Variants in STXBP4 observed in about 807,000 individuals in gnomAD.
STXBP4 encodes the protein syntaxin-binding protein 4.
Under a neutral mutation model 76.1 loss-of-function variants are expected in STXBP4, and 55 were observed. The observed-to-expected ratio is 0.72, with a 90% CI of 0.58 to 0.91. The LOEUF (loss-of-function observed/expected upper bound fraction) is 0.91. STXBP4 is among the 40% of genes least tolerant of loss of function. The pLI is 0.00. For synonymous variants in STXBP4, 201 were observed against 220.2 expected (o/e 0.91, Z 0.77); for missense variants, 618 against 636.9 (o/e 0.97, Z 0.32).
intron 16 of STXBP4, among the ~76,000 whole-genome samples, chr17:55,088,545 T>C (rs1011043548): frequency 3.3e-5 from 5 of 152,010 alleles, no homozygotes; most frequent in Non-Finnish European, 7.4e-5. Flanking sequence ...TACAGGTGCC[T>C]GCCACCACAC....
chr17:55,032,928 T>A (rs2078534719), intron 9 of STXBP4, among the ~76,000 whole-genome samples: 1 of 152,178 alleles, frequency 6.6e-6, no homozygotes, highest in African/African-American at 2.4e-5. Flanking sequence ...CCAACCAACT[T>A]TTTTAGTGCC....
chr17:55,066,195 GTTGTTTTGTTTTGTTTTGTT>G (rs4048521), intron 12 of STXBP4, among the ~76,000 whole-genome samples: 3 of 148,970 alleles, frequency 2.0e-5, no homozygotes, highest in South Asian at 2.2e-4. Context: ...TGTGGGTTTT[GTTGTTTTGTTTTGTTTTGTT>G]TTGTTTTGTT....
the STXBP4 span, among the ~76,000 whole-genome samples, chr17:55,193,161 T>C: frequency 6.6e-6 from 1 of 152,178 alleles, no homozygotes; most frequent in African/African-American, 2.4e-5. Flanking sequence ...CTTTCCAGTC[T>C]GAGGGACTAG....
At chr17:55,017,756 G>A (rs891277754) in intron 8 of STXBP4, among the ~76,000 whole-genome samples, 12 of 152,128 alleles carry the variant, frequency 7.9e-5, no homozygotes, top group Non-Finnish European at 1.3e-4. Context: ...AATTGAAAGC[G>A]GAAGCTGGTT....
At chr17:55,196,500 G>A in the STXBP4 span, among the ~76,000 whole-genome samples, 2 of 152,296 alleles carry the variant, frequency 1.3e-5, no homozygotes, top group Non-Finnish European at 2.9e-5. Flanking sequence ...AGTTGAACTT[G>A]TCTGTTTTAT....
chr17:55,128,369 G>A (rs2079935662), intron 16 of STXBP4, among the ~76,000 whole-genome samples: 1 of 151,114 alleles, frequency 6.6e-6, no homozygotes, highest in South Asian at 2.1e-4. Context: ...CTGGGTGAAT[G>A]TGAGGGAGAT....
intron 16 of STXBP4, among the ~76,000 whole-genome samples, chr17:55,087,909 C>A (rs1298376302): frequency 6.6e-6 from 1 of 152,136 alleles, no homozygotes; most frequent in African/African-American, 2.4e-5. Flanking sequence ...TTTATAGCCT[C>A]TTCAGTTTCT....
chr17:55,174,165 G>T (rs1196209498), downstream of STXBP4, among the ~76,000 whole-genome samples: 1 of 152,156 alleles, frequency 6.6e-6, no homozygotes, highest in East Asian at 1.9e-4. Context: ...AATCCCTTTT[G>T]CTTTTCAAGG....
chr17:55,180,565 A>AG, the STXBP4 span, among the ~76,000 whole-genome samples: 11 of 151,482 alleles, frequency 7.3e-5, no homozygotes, highest in Non-Finnish European at 1.5e-4. Flanking sequence ...CACCAGTCTA[A>AG]AGAATTACAA....
At chr17:55,083,606 C>T (rs2079285992) in intron 16 of STXBP4, among the ~76,000 whole-genome samples, 3 of 152,148 alleles carry the variant, frequency 2.0e-5, no homozygotes, top group Non-Finnish European at 2.9e-5. Context: ...AGCACTCTCA[C>T]GTGGTTGCAG....
chr17:55,056,855 G>A (rs1397190081), intron 12 of STXBP4, among the ~76,000 whole-genome samples: 2 of 151,976 alleles, frequency 1.3e-5, no homozygotes, highest in East Asian at 1.9e-4. Context: ...AAAAATATTA[G>A]CATCAAATTC....
chr17:55,144,005 GCACACACACACACACACACA>G (rs61300425), intron 17 of STXBP4, among the ~76,000 whole-genome samples: 26 of 138,938 alleles, frequency 1.9e-4, no homozygotes, highest in East Asian at 1.3e-3. Context: ...AAAGCCACCT[GCACACACACACACACACACA>G]CACACACACA....
intron 14 of STXBP4, 82 bp from the exon 15 acceptor site, chr17:55,078,604 G>T (rs1261480873): frequency 5.7e-6 from 5 of 876,650 alleles, no homozygotes; most frequent in South Asian, 1.6e-5. Context: ...GACAGAGGAG[G>T]TTATAAATAT....
rs1235950258 is a variant in STXBP4, at chr17:55,072,998, T to C, written c.1110T>C (p.Tyr370=). The C allele has an allele frequency of 2.5e-6, 4 of 1,613,880 alleles. No individual in the cohort carries two copies. Among genetic ancestry groups the C allele is most frequent in the East Asian group, 2.2e-5 (1 of 44,868 alleles). Residue 370 remains tyrosine (Y), a synonymous_variant, in exon 13 of 18, where the codon TAT becomes TAC. Transcript: ENST00000376352. The part of the protein sequence containing the change: ...QRQAHGMEMD[Y]EEVIRLLEAK... Reference sequence around the variant, plus strand: ...AGGCACATGGAATGGAAATGGACTATGAAGAAGTGATCCGTCTGTTAGAGG... The same window carrying C: ...AGGCACATGGAATGGAAATGGACTACGAAGAAGTGATCCGTCTGTTAGAGG...
At chr17:54,980,103 A>T (rs943514385) in intron 1 of STXBP4, among the ~76,000 whole-genome samples, 15 of 152,204 alleles carry the variant, frequency 9.9e-5, no homozygotes, top group Admixed American at 9.2e-4. Context: ...TTTTAACAAA[A>T]ATATAACACG....
intron 12 of STXBP4, among the ~76,000 whole-genome samples, chr17:55,063,893 A>G (rs2079021025): frequency 6.6e-6 from 1 of 152,212 alleles, no homozygotes; most frequent in Non-Finnish European, 1.5e-5. Context: ...GAAGCTGAAC[A>G]TTTTGCATTT....
chr17:55,195,082 G>A, the STXBP4 span, among the ~76,000 whole-genome samples: 7 of 152,216 alleles, frequency 4.6e-5, no homozygotes, highest in Non-Finnish European at 8.8e-5. Context: ...AGCAATGAGT[G>A]AGAAATGTTA....
intron 1 of STXBP4, among the ~76,000 whole-genome samples, chr17:54,981,187 G>T (rs1427255666): frequency 6.6e-6 from 1 of 151,920 alleles, no homozygotes; most frequent in Non-Finnish European, 1.5e-5. Context: ...TGTAAATTTA[G>T]TGTGATTCCC....
rs531927179 is a variant in STXBP4 at position 55,047,399 on chromosome 17, G to GA, written c.1011+252dup. 5.4e-4 allele frequency among the ~76,000 whole-genome samples: 82 copies of GA among 151,010 alleles called. No homozygotes were observed. In the East Asian group the frequency reaches 0.013, roughly 24 times the overall value. ...GTTAAAACCTCTTTGAAATTTCTTT[G>GA]AAAAAAACATATCCATAGACCAAAA... On this transcript the variant is annotated intron_variant, in intron 12 of 17. Coordinates refer to ENST00000376352, the MANE Select transcript of STXBP4 (RefSeq NM_178509.6).
Sources: allele counts gnomAD v4.1 joint callset (sites outside exome capture counted in the v4.1 genomes callset), GRCh38; gene constraint gnomAD v4.1.1; transcripts MANE v1.5; gene names NCBI Gene and HGNC (gene_info 2026-07-23, HGNC 2026-07-21).